GALNT13: variants seen among roughly 807,000 people sequenced by gnomAD.
The protein encoded by GALNT13 is UDP-GalNAc:polypeptide N-acetylgalactosaminyltransferase 13.
In GALNT13, 28 loss-of-function variants were observed where a neutral mutation model predicts 64.2. The ratio of observed to expected loss-of-function variants is 0.44; its 90% confidence interval spans 0.32 to 0.60. The LOEUF (loss-of-function observed/expected upper bound fraction) is 0.60. GALNT13 is among the 20% of genes least tolerant of loss of function. The probability of loss-of-function intolerance (pLI) is 0.05; values close to 1 mark genes in which losing one functional copy is unlikely to be tolerated. For missense variants in GALNT13, 577 were observed against 669.8 expected (o/e 0.86, Z 1.53); for synonymous variants, 214 against 224.6 (o/e 0.95, Z 0.42).
At chr2:153,235,132 A>G in the GALNT13 span, among the ~76,000 whole-genome samples, 351 of 152,230 alleles carry the variant, frequency 2.3e-3, 1 homozygote, top group African/African-American at 8.1e-3. Flanking sequence ...ATCCACCAAC[A>G]ACAGGTAGTT....
At chr2:153,240,305 C>A in the GALNT13 span, among the ~76,000 whole-genome samples, 1 of 152,158 alleles carries the variant, frequency 6.6e-6, no homozygotes, top group Non-Finnish European at 1.5e-5. Flanking sequence ...ACTCCAGTCT[C>A]TCACATGGCT....
the GALNT13 span, among the ~76,000 whole-genome samples, chr2:153,071,459 A>C: frequency 2.6e-5 from 4 of 152,218 alleles, no homozygotes; most frequent in Non-Finnish European, 5.9e-5. Flanking sequence ...CTTTCCTGGC[A>C]AGCATTGCAC....
intron 4 of GALNT13, among the ~76,000 whole-genome samples, chr2:154,225,782 G>A (rs533044755): frequency 7.9e-5 from 12 of 152,192 alleles, no homozygotes; most frequent in Admixed American, 5.2e-4. Context: ...AGTATGAACA[G>A]CTGTGTAGAA....
At chr2:154,004,707 G>C (rs1696136619) in intron 3 of GALNT13, among the ~76,000 whole-genome samples, 1 of 152,118 alleles carries the variant, frequency 6.6e-6, no homozygotes, top group Non-Finnish European at 1.5e-5. Context: ...CCATTACTCT[G>C]TTACCTCTGA....
At chr2:153,906,423 G>C (rs1396187082) in intron 2 of GALNT13, among the ~76,000 whole-genome samples, 2 of 125,666 alleles carry the variant, frequency 1.6e-5, no homozygotes, top group African/African-American at 3.1e-5. Context: ...AGTCCCCAGA[G>C]TGTGATGTTC....
the GALNT13 span, among the ~76,000 whole-genome samples, chr2:153,603,064 G>A: frequency 1.3e-5 from 2 of 151,796 alleles, no homozygotes; most frequent in East Asian, 1.9e-4. Context: ...CTATTCCACC[G>A]TATTCCATAT....
the GALNT13 span, among the ~76,000 whole-genome samples, chr2:153,207,552 A>G: frequency 6.6e-6 from 1 of 152,142 alleles, no homozygotes; most frequent in African/African-American, 2.4e-5. Context: ...TATTTCTATT[A>G]AGATAAACTT....
At chr2:153,446,848 A>T in the GALNT13 span, 1 of 152,172 alleles carries the variant, frequency 6.6e-6, no homozygotes, top group Non-Finnish European at 1.5e-5. Flanking sequence ...TCATTAGGTA[A>T]GCTGCTGCTG....
intron 3 of GALNT13, among the ~76,000 whole-genome samples, chr2:154,018,447 CTTGAATTAAGTTA>C (rs1697166806): frequency 6.6e-6 from 1 of 152,112 alleles, no homozygotes; most frequent in African/African-American, 2.4e-5. Context: ...TCTGCGGTCA[CTTGAATTAAGTTA>C]TTGTAAACTC....
At chr2:153,917,724 G>A (rs773516578) in intron 2 of GALNT13, among the ~76,000 whole-genome samples, 1 of 152,136 alleles carries the variant, frequency 6.6e-6, no homozygotes, top group Non-Finnish European at 1.5e-5. Flanking sequence ...AGGCTGGTGA[G>A]TATTCTATCA....
At chr2:153,193,989 T>A in the GALNT13 span, among the ~76,000 whole-genome samples, 1 of 152,234 alleles carries the variant, frequency 6.6e-6, no homozygotes, top group Admixed American at 6.5e-5. Context: ...TTCCCTTATA[T>A]GTGACTAGAC....
chr2:154,449,578 T>A (rs1463240530), intron 12 of GALNT13, among the ~76,000 whole-genome samples: 1 of 151,708 alleles, frequency 6.6e-6, no homozygotes, highest in African/African-American at 2.4e-5. Flanking sequence ...GGTTTTCATA[T>A]AATATGATCC....
At chr2:154,094,470 A>T (rs2105447342) in intron 3 of GALNT13, among the ~76,000 whole-genome samples, 1 of 152,182 alleles carries the variant, frequency 6.6e-6, no homozygotes, top group East Asian at 1.9e-4. Context: ...ATTTGCCAGA[A>T]GTAATTCCTG....
the GALNT13 span, among the ~76,000 whole-genome samples, chr2:153,468,291 G>A: frequency 6.6e-6 from 1 of 151,980 alleles, no homozygotes; most frequent in Non-Finnish European, 1.5e-5. Flanking sequence ...AAATTGCCAA[G>A]GTTCATCCTT....
the GALNT13 span, among the ~76,000 whole-genome samples, chr2:153,524,578 G>A: frequency 1.3e-5 from 2 of 152,124 alleles, no homozygotes; most frequent in Admixed American, 1.3e-4. Context: ...GGTGTGGGGA[G>A]CATTTCTGTG....
chr2:153,700,553 T>C, the GALNT13 span, among the ~76,000 whole-genome samples: 1 of 152,090 alleles, frequency 6.6e-6, no homozygotes, highest in Non-Finnish European at 1.5e-5. Flanking sequence ...AGTCAAATTG[T>C]CTCTGTTTAC....
the GALNT13 span, among the ~76,000 whole-genome samples, chr2:153,839,443 A>G: frequency 6.6e-6 from 1 of 151,864 alleles, no homozygotes; most frequent in African/African-American, 2.4e-5. Context: ...TCTATACCTA[A>G]TCCACTGAGG....
chr2:154,150,724 T>C (rs1683950915), intron 4 of GALNT13, among the ~76,000 whole-genome samples: 1 of 152,194 alleles, frequency 6.6e-6, no homozygotes. Flanking sequence ...CATAGAGGTG[T>C]TTGTAGTATT....
chr2:153,673,421 C>T, the GALNT13 span, among the ~76,000 whole-genome samples: 21 of 152,180 alleles, frequency 1.4e-4, no homozygotes, highest in Non-Finnish European at 2.1e-4. Flanking sequence ...AATCAATAAA[C>T]GTAATCCATC....
Sources: allele counts gnomAD v4.1 joint callset (sites outside exome capture counted in the v4.1 genomes callset), GRCh38; gene constraint gnomAD v4.1.1; transcripts MANE v1.5; gene names NCBI Gene and HGNC (gene_info 2026-07-23, HGNC 2026-07-21).